The following AGAP1 variants were observed in gnomAD, a reference collection of about 807,000 sequenced individuals.
AGAP1 encodes arf-GAP with GTPase, ANK repeat and PH domain-containing protein 1.
AGAP1 carries 29 observed loss-of-function variants against 105.3 expected under a neutral mutation model. The observed-to-expected ratio is 0.28, with a 90% confidence interval of 0.21 to 0.38. The LOEUF is 0.38. AGAP1 is among the 10% of genes least tolerant of loss of function. The pLI is 1.00. For missense variants in AGAP1, 998 were observed against 1,165.1 expected, an observed-to-expected ratio of 0.86 and a Z score of 2.09; for synonymous variants, 509 against 485.9, an observed-to-expected ratio of 1.05 and a Z score of -0.63.
chr2:235,633,250 C>T lies in AGAP1; in HGVS notation c.164-75929C>T, dbSNP rs558824121. Among the ~76,000 whole-genome samples, 2 of 152,214 alleles carry T rather than the reference C, an allele frequency of 1.3e-5. No homozygotes were observed. Among genetic ancestry groups the T allele is most frequent in the South Asian group, 4.1e-4 (2 of 4,822 alleles). ...GATTCAGGGGAGGTCGTCTGTGTGC[C>T]TTGGTTCCATGACTTGGGGGCAGCC... On this transcript the variant is annotated intron_variant, in intron 1 of 17. Coordinates refer to ENST00000304032, the MANE Select transcript of AGAP1 (RefSeq NM_001037131.3). This position sits in a 1 kb window ranked among gnomAD's most constrained non-coding sequence, Gnocchi z 4.8.
chr2:236,017,529 T>A (rs2056747917), intron 13 of AGAP1, among the ~76,000 whole-genome samples: 1 of 152,016 alleles, frequency 6.6e-6, no homozygotes, highest in African/African-American at 2.4e-5. Context: ...TCCACTTGAG[T>A]GATTTACTCA....
intron 1 of AGAP1, among the ~76,000 whole-genome samples, chr2:235,669,355 A>T (rs1034285032): frequency 2.0e-5 from 3 of 152,126 alleles, no homozygotes; most frequent in African/African-American, 4.8e-5. Context: ...CAGGTGAGAC[A>T]TGCCCCTCGT....
rs1171099654 is a variant in AGAP1 at position 235,951,110 on chromosome 2, G to GC, written c.1484-17351dup. On this transcript the variant is annotated intron_variant, in intron 12 of 17. Coordinates refer to ENST00000304032, the MANE Select transcript of AGAP1 (RefSeq NM_001037131.3). The surrounding 1 kb of genome is among the most constrained non-coding windows in gnomAD (Gnocchi z 4.2). ...TTAAATATCATTAATTCTGGAGGTT[G>GC]CACTCTGAATGATTTCTTATTTTGT... Among the ~76,000 whole-genome samples the GC allele has an allele frequency of 6.6e-6, 1 of 152,108 alleles. No individual in the cohort carries two copies. Among genetic ancestry groups the GC allele is most frequent in the Non-Finnish European group, 1.5e-5 (1 of 68,034 alleles).
rs1172811188 is a variant in AGAP1 at position 235,705,143 on chromosome 2, T to C, written c.164-4036T>C. 1.3e-5 allele frequency among the ~76,000 whole-genome samples: 2 copies of C among 151,638 alleles called. No homozygotes were observed. Among genetic ancestry groups the C allele is most frequent in the Non-Finnish European group, 2.9e-5 (2 of 67,890 alleles). On this transcript the variant is annotated intron_variant, in intron 1 of 17. Coordinates refer to ENST00000304032, the MANE Select transcript of AGAP1 (RefSeq NM_001037131.3). This position sits in a 1 kb window ranked among gnomAD's most constrained non-coding sequence, Gnocchi z 4.9. ...ACAATCATGTGCCACCACGCCTGGC[T>C]AATTTTTGTATTTTTAGTAGAGACG...
chr2:235,846,621 G>C (rs1961527522), intron 9 of AGAP1, among the ~76,000 whole-genome samples: 1 of 151,532 alleles, frequency 6.6e-6, no homozygotes, highest in South Asian at 2.1e-4. Flanking sequence ...GTGACCCACT[G>C]TGCCCAACCT....
chr2:236,100,593 G>C (rs956626307), intron 16 of AGAP1, among the ~76,000 whole-genome samples: 2 of 152,096 alleles, frequency 1.3e-5, no homozygotes, highest in Non-Finnish European at 2.9e-5. Context: ...GGGTGGCCGA[G>C]GTGGGCAGAT....
In AGAP1 at chr2:236,123,412, A is replaced by G. The variant is rs1257959523; in HGVS notation, c.2371-507A>G. On this transcript the variant is annotated intron_variant, in intron 17 of 17. Coordinates refer to ENST00000304032, the MANE Select transcript of AGAP1 (RefSeq NM_001037131.3). The surrounding 1 kb of genome is among the most constrained non-coding windows in gnomAD (Gnocchi z 4.6). Reference sequence around the variant, plus strand: ...ATAGTAATCAATAAAAAATGAAAAAAATACAAATTATTTGTACAGTCTTAT... The same window carrying G: ...ATAGTAATCAATAAAAAATGAAAAAGATACAAATTATTTGTACAGTCTTAT... Among the ~76,000 whole-genome samples, 1 of 152,224 alleles carries G rather than the reference A, an allele frequency of 6.6e-6. No homozygotes were observed. The highest frequency in any genetic ancestry group is 1.5e-5 in the Non-Finnish European group (1 of 68,034).
chr2:235,797,623 C>A, intron 6 of AGAP1, 136 bp from the exon 7 acceptor site: 1 of 1,134,094 alleles, frequency 8.8e-7, no homozygotes, highest in Non-Finnish European at 1.3e-6. Context: ...TGTCATTTGC[C>A]CACCTAAGAA....
Position 235,569,492 on chromosome 2 carries a change from A to G in AGAP1, c.163+74643A>G, listed in dbSNP as rs891090501. On this transcript the variant is annotated intron_variant, in intron 1 of 17. Coordinates refer to ENST00000304032, the MANE Select transcript of AGAP1 (RefSeq NM_001037131.3). The surrounding 1 kb of genome is among the most constrained non-coding windows in gnomAD (Gnocchi z 5.9). The stretch of plus-strand genomic sequence containing the variant: ...AGAGACTTTTGGTGGCTCTATAGGC[A>G]GTAAAGGGCAAAATGGAAAGCAAAC... 6.6e-6 allele frequency among the ~76,000 whole-genome samples: 1 copy of G among 152,198 alleles called. No individual in the cohort carries two copies. The highest frequency in any genetic ancestry group is 2.4e-5 in the African/African-American group (1 of 41,440).
Position 235,506,140 on chromosome 2 carries a change from A to G in AGAP1, c.163+11291A>G, listed in dbSNP as rs532071822. Among the ~76,000 whole-genome samples, 144 of 152,180 alleles carry G rather than the reference A, an allele frequency of 9.5e-4. 2 individuals are homozygous for G. The South Asian group carries it at 0.029, about 31-fold the overall frequency. On this transcript the variant is annotated intron_variant, in intron 1 of 17. Transcript: ENST00000304032. ...GAGATAGGGTTTCACCACGTTGGCC[A>G]GGCCGGTCTCAAACTCCTGACCTCA...
At chr2:235,641,307 CTCTCTT>C (rs760215775) in intron 1 of AGAP1, among the ~76,000 whole-genome samples, 7 of 67,082 alleles carry the variant, frequency 1.0e-4, no homozygotes, top group African/African-American at 3.6e-4. Context: ...TTCTTTCTCT[CTCTCTT>C]TCTCTTTCTC....
In AGAP1 at chr2:236,003,565, G is replaced by A. The variant is rs2056210347; in HGVS notation, c.1646-32996G>A. 6.6e-6 allele frequency among the ~76,000 whole-genome samples: 1 copy of A among 152,200 alleles called. No homozygotes were observed. Among genetic ancestry groups the A allele is most frequent in the African/African-American group, 2.4e-5 (1 of 41,450 alleles). ...TCACCCGCAGCCCCCCTGCGCTGCT[G>A]CTGCCCGCATGGGGTACCCTTAAGT... On this transcript the variant is annotated intron_variant, in intron 13 of 17. Coordinates refer to ENST00000304032, the MANE Select transcript of AGAP1 (RefSeq NM_001037131.3). The surrounding 1 kb of genome is among the most constrained non-coding windows in gnomAD (Gnocchi z 4.2).
Position 235,692,700 on chromosome 2 carries a change from G to C in AGAP1, c.164-16479G>C, listed in dbSNP as rs554344835. On this transcript the variant is annotated intron_variant, in intron 1 of 17. Coordinates refer to ENST00000304032, the MANE Select transcript of AGAP1 (RefSeq NM_001037131.3). The surrounding 1 kb of genome is among the most constrained non-coding windows in gnomAD (Gnocchi z 5.8). ...GAAGCCGATGACTGACGTGCACCCC[G>C]CCAGCCTCCCTGCTTATCCTTCCCT... Among the ~76,000 whole-genome samples, 6 of 152,134 alleles carry C rather than the reference G, an allele frequency of 3.9e-5. No individual in the cohort carries two copies. Among genetic ancestry groups the C allele is most frequent in the Admixed American group, 3.3e-4 (5 of 15,272 alleles).
In AGAP1 at chr2:235,557,848, AG is replaced by A. The variant is rs1944021322; in HGVS notation, c.163+63000del. On this transcript the variant is annotated intron_variant, in intron 1 of 17. Transcript: ENST00000304032. The surrounding 1 kb of genome is among the most constrained non-coding windows in gnomAD (Gnocchi z 4.7). ...GGGAAGTTAGACACTTTAGATTCAC[AG>A]TTAACTGTTGATGCTTAAATGACAT... Among the ~76,000 whole-genome samples the A allele has an allele frequency of 6.6e-6, 1 of 152,186 alleles. No homozygotes were observed. The highest frequency in any genetic ancestry group is 2.1e-4 in the South Asian group (1 of 4,826).
chr2:235,909,208 A>G (rs1363807155), intron 11 of AGAP1, among the ~76,000 whole-genome samples: 1 of 152,216 alleles, frequency 6.6e-6, no homozygotes, highest in Non-Finnish European at 1.5e-5. Context: ...TCCTTCTGAA[A>G]AACGTGAATT....
At chr2:235,667,827 C>T (rs1022766980) in intron 1 of AGAP1, among the ~76,000 whole-genome samples, 4 of 151,774 alleles carry the variant, frequency 2.6e-5, no homozygotes, top group Admixed American at 6.6e-5. Flanking sequence ...GGACTGGTGG[C>T]GCGCACCTGT....
rs1010202160 is a variant in AGAP1 at position 235,728,072 on chromosome 2, G to A, written c.310+10428G>A. Among the ~76,000 whole-genome samples the A allele has an allele frequency of 1.3e-5, 2 of 152,230 alleles. No homozygotes were observed. Among genetic ancestry groups the A allele is most frequent in the African/African-American group, 4.8e-5 (2 of 41,456 alleles). ...GTAAGACCGTGTCTGCCCAGTGGGGGCCTGGACACTAAGTGCCACTTCTCT... is the reference window on the plus strand; with the variant it reads ...GTAAGACCGTGTCTGCCCAGTGGGGACCTGGACACTAAGTGCCACTTCTCT... On this transcript the variant is annotated intron_variant, in intron 3 of 17. Coordinates refer to ENST00000304032, the MANE Select transcript of AGAP1 (RefSeq NM_001037131.3). The surrounding 1 kb of genome is among the most constrained non-coding windows in gnomAD (Gnocchi z 4.3).
chr2:235,805,115 T>C (rs939266957), intron 8 of AGAP1, among the ~76,000 whole-genome samples: 2 of 152,252 alleles, frequency 1.3e-5, no homozygotes, highest in African/African-American at 4.8e-5. Context: ...AGCAAACTCT[T>C]TTGCCTAACA....
chr2:235,848,100 A>G (rs912030834), intron 9 of AGAP1, among the ~76,000 whole-genome samples: 1 of 152,242 alleles, frequency 6.6e-6, no homozygotes, highest in Admixed American at 6.5e-5. Flanking sequence ...CCCACCGGTT[A>G]CACTCTCTGT....
Sources: allele counts gnomAD v4.1 joint callset (sites outside exome capture counted in the v4.1 genomes callset), GRCh38; gene constraint gnomAD v4.1.1; non-coding constraint Gnocchi (gnomAD v3.1); transcripts MANE v1.5; gene names NCBI Gene and HGNC (gene_info 2026-07-23, HGNC 2026-07-21).